Variants in PIKFYVE observed in about 807,000 individuals in gnomAD.
The protein encoded by PIKFYVE is 1-phosphatidylinositol 3-phosphate 5-kinase.
In PIKFYVE, 122 loss-of-function variants were observed where a neutral mutation model predicts 257.9. The ratio of observed to expected loss-of-function variants is 0.47; its 90% CI spans 0.41 to 0.55. PIKFYVE has a LOEUF of 0.55. Ranked by LOEUF, PIKFYVE falls within the 20% of genes least tolerant of loss-of-function variation. The pLI, the probability that PIKFYVE is intolerant of heterozygous loss-of-function variation, is 0.00. For missense variants in PIKFYVE, 2,160 were observed against 2,536.6 expected, an observed-to-expected ratio of 0.85 and a Z score of 3.19; for synonymous variants, 892 against 868.9, an observed-to-expected ratio of 1.03 and a Z score of -0.47.
rs377245780 is a variant in PIKFYVE, at chr2:208,308,793, C to T, written c.1637-3443C>T. On this transcript the variant is annotated intron_variant, in intron 12 of 41. Transcript: ENST00000264380. ...CCTGGTCTTGGCTCACTGCAACCTCCGCCTTCCGGGTTAAAGTGATTCTCC... is the reference window on the plus strand; with the variant it reads ...CCTGGTCTTGGCTCACTGCAACCTCTGCCTTCCGGGTTAAAGTGATTCTCC... Among the ~76,000 whole-genome samples, 44 of 151,828 alleles carry T rather than the reference C, an allele frequency of 2.9e-4. 1 individual carries two copies. The East Asian group carries it at 4.3e-3, about 15-fold the overall frequency.
chr2:208,336,804 C>CAT (rs368000022), intron 27 of PIKFYVE, 34 bp from the exon 28 acceptor site: 650 of 1,393,234 alleles, frequency 4.7e-4, no homozygotes, highest in Middle Eastern at 7.2e-4. Context: ...AGAAACAAAC[C>CAT]ATATATATAT....
At chr2:208,270,965 G>A (rs1012603248) in intron 1 of PIKFYVE, among the ~76,000 whole-genome samples, 6 of 151,840 alleles carry the variant, frequency 4.0e-5, no homozygotes, top group Non-Finnish European at 8.8e-5. Flanking sequence ...GAACCTGGGA[G>A]GTGGAGGTTG....
chr2:208,342,794 C>CTTTTTTT (rs35986928), intron 32 of PIKFYVE, 145 bp downstream of exon 32: 9 of 380,072 alleles, frequency 2.4e-5, no homozygotes, highest in Non-Finnish European at 3.3e-5. Context: ...ATAGCTTGTT[C>CTTTTTTT]TTTTTTTTTT....
intron 7 of PIKFYVE, 22 bp from the exon 8 acceptor site, chr2:208,298,619 C>T: frequency 6.2e-7 from 1 of 1,613,454 alleles, no homozygotes; most frequent in Non-Finnish European, 8.5e-7. Context: ...CCTGTGATTT[C>T]ACTTCTTGTT....
rs779528859 is a variant in PIKFYVE at position 208,273,653 on chromosome 2, C to T, written c.242C>T (p.Ser81Leu). ...AGTTGGACCAGCCCTCAGCTCCCTT[C>T]GAGGACACAGTCTGTTAGGTCACCC... Reference protein sequence around the residue: ...SGSWTSPQLPSRTQSVRSPTP... With the variant: ...SGSWTSPQLPLRTQSVRSPTP... Residue 81 changes from serine to leucine, a missense_variant, in exon 3 of 42, where the codon TCG becomes TTG. Transcript: ENST00000264380. 6.8e-6 allele frequency: 11 copies of T among 1,613,962 alleles called. No individual in the cohort carries two copies. Among genetic ancestry groups the T allele is most frequent in the East Asian group, 2.2e-5 (1 of 44,882 alleles).
intron 35 of PIKFYVE, among the ~76,000 whole-genome samples, chr2:208,349,411 A>G (rs1370309261): frequency 6.6e-6 from 1 of 151,652 alleles, no homozygotes; most frequent in East Asian, 1.9e-4. Flanking sequence ...AGTCAGTCAC[A>G]TATAAAAAAA....
Position 208,350,044 on chromosome 2 carries a change from A to G in PIKFYVE, c.5395A>G (p.Thr1799Ala), listed in dbSNP as rs1340137387. ...EPQDEVDGGD[T>A]QKKQLINPHV... The stretch of plus-strand genomic sequence containing the variant: ...TTTAGATGAAGTAGATGGAGGAGAT[A>G]CACAAAAGAAGCAACTCATAAATCC... The change falls in exon 36 of 42, where the codon ACA (threonine) becomes GCA (alanine). Residue 1799 changes from threonine (T) to alanine (A), a missense_variant. Thr to Ala is a moderately conservative substitution (Grantham distance 58). Coordinates refer to ENST00000264380, the MANE Select transcript of PIKFYVE (RefSeq NM_015040.4). The G allele has an allele frequency of 1.9e-6, 3 of 1,612,312 alleles. No homozygotes were observed. In the African/African-American group the frequency reaches 4.0e-5, roughly 21 times the overall value.
At chr2:208,315,507 C>G (rs367578260) in intron 15 of PIKFYVE, 134 bp downstream of exon 15, 9 of 686,102 alleles carry the variant, frequency 1.3e-5, no homozygotes, top group Non-Finnish European at 2.0e-5. Context: ...GTTTTGCTGT[C>G]TGCTTTGTTA....
chr2:208,339,280 A>G (rs764269380), intron 29 of PIKFYVE, 138 bp from the exon 30 acceptor site: 5 of 916,314 alleles, frequency 5.5e-6, no homozygotes, highest in East Asian at 2.5e-5. Context: ...GACATGAGCT[A>G]TATGACCTAG....
intron 10 of PIKFYVE, among the ~76,000 whole-genome samples, chr2:208,302,862 C>T (rs1022980100): frequency 6.6e-6 from 1 of 151,986 alleles, no homozygotes; most frequent in Non-Finnish European, 1.5e-5. Flanking sequence ...GGTGCATCAC[C>T]TGAGGTCAGG....
Position 208,325,032 on chromosome 2 carries a change from C to A in PIKFYVE, c.2453C>A (p.Pro818His). The A allele has an allele frequency of 6.2e-7, 1 of 1,614,020 alleles. No individual in the cohort carries two copies. The highest frequency in any genetic ancestry group is 8.5e-7 in the Non-Finnish European group (1 of 1,179,976). The stretch of plus-strand genomic sequence containing the variant: ...TTTTATATGCAGATATTTCAGTTGC[C>A]TAATGGTGAGTGATCTTTAGCATAG... ...HKFYMQIFQL[P>H]NEQTKTLMFF... Residue 818 changes from proline (P) to histidine (H), a missense_variant, in exon 19 of 42, where the codon CCT becomes CAT. Coordinates refer to ENST00000264380, the MANE Select transcript of PIKFYVE (RefSeq NM_015040.4).
chr2:208,340,855 C>T (rs1261348712), intron 31 of PIKFYVE, among the ~76,000 whole-genome samples: 1 of 152,030 alleles, frequency 6.6e-6, no homozygotes, highest in Admixed American at 6.6e-5. Context: ...AGTTAGGGCT[C>T]ACAGTACAGT....
intron 32 of PIKFYVE, among the ~76,000 whole-genome samples, chr2:208,342,850 A>C (rs997243819): frequency 7.3e-6 from 1 of 137,078 alleles, no homozygotes; most frequent in Non-Finnish European, 1.5e-5. Flanking sequence ...GCTGGAGTGC[A>C]GTGGTGCAAT....
chr2:208,330,813 A>G (rs2125633264), intron 23 of PIKFYVE, 119 bp downstream of exon 23: 3 of 998,252 alleles, frequency 3.0e-6, no homozygotes, highest in East Asian at 2.5e-5. Context: ...ATAGAGCTCT[A>G]TTTGTCATTG....
intron 1 of PIKFYVE, chr2:208,269,428 A>ATC (rs1405165302): frequency 4.1e-6 from 1 of 241,698 alleles, no homozygotes; most frequent in Non-Finnish European, 8.7e-6. Context: ...CTCCTCAGCC[A>ATC]TCTTCCCTCC....
chr2:208,276,304 A>G (rs1690094355), intron 3 of PIKFYVE, among the ~76,000 whole-genome samples: 1 of 152,172 alleles, frequency 6.6e-6, no homozygotes, highest in Non-Finnish European at 1.5e-5. Context: ...TACCTGTTTG[A>G]CTTTAGAGAC....
intron 32 of PIKFYVE, 75 bp downstream of exon 32, chr2:208,342,724 A>C: frequency 8.3e-7 from 1 of 1,201,614 alleles, no homozygotes; most frequent in Non-Finnish European, 1.2e-6. Flanking sequence ...TTATTTTTGG[A>C]ATCTTTCACA....
chr2:208,320,631 C>T (rs10932260), intron 17 of PIKFYVE, among the ~76,000 whole-genome samples: 113,028 of 152,138 alleles, frequency 0.74, 44,197 homozygotes, highest in East Asian at 0.93. Context: ...GGGAATTTCT[C>T]GAACTTACCA....
At chr2:208,336,369 G>A (rs1328871378) in intron 27 of PIKFYVE, among the ~76,000 whole-genome samples, 169 bp downstream of exon 27, 1 of 152,034 alleles carries the variant, frequency 6.6e-6, no homozygotes, top group Non-Finnish European at 1.5e-5. Context: ...AAATATATGT[G>A]GTATATTTTA....
Sources: gnomAD v4.1 joint callset for allele counts (sites outside exome capture counted in the v4.1 genomes callset) on GRCh38, gnomAD v4.1.1 for gene constraint, MANE v1.5 for transcripts, NCBI Gene and HGNC (gene_info 2026-07-23, HGNC 2026-07-21) for gene names.